KLHL29: variants seen among roughly 807,000 people sequenced by gnomAD.
The protein encoded by KLHL29 is kelch-like protein 29.
KLHL29 carries 21 observed loss-of-function variants against 80.4 expected under a neutral mutation model. The ratio of observed to expected loss-of-function variants is 0.26; its 90% CI spans 0.19 to 0.38. KLHL29 has a LOEUF of 0.38. Ranked by LOEUF, KLHL29 falls within the 10% of genes least tolerant of loss-of-function variation. The pLI is 1.00. For missense variants in KLHL29, 867 were observed against 1,223.9 expected, an observed-to-expected ratio of 0.71 and a Z score of 4.35; for synonymous variants, 511 against 526.8, an observed-to-expected ratio of 0.97 and a Z score of 0.41.
At chr2:23,526,021 G>T (rs538368724) in intron 2 of KLHL29, among the ~76,000 whole-genome samples, 1 of 152,220 alleles carries the variant, frequency 6.6e-6, no homozygotes, top group African/African-American at 2.4e-5. Flanking sequence ...CCTCAGAAGC[G>T]TGGATGTTGG....
intron 2 of KLHL29, among the ~76,000 whole-genome samples, chr2:23,478,959 G>A (rs945792311): frequency 6.6e-6 from 1 of 151,132 alleles, no homozygotes; most frequent in Non-Finnish European, 1.5e-5. Context: ...CTCTCTGACC[G>A]CACTCCCCTG....
intron 1 of KLHL29, among the ~76,000 whole-genome samples, chr2:23,458,805 G>T (rs187929009): frequency 6.6e-6 from 1 of 152,348 alleles, no homozygotes; most frequent in East Asian, 1.9e-4. Flanking sequence ...GGGGACAGGG[G>T]TGAGATGAGG....
intron 1 of KLHL29, among the ~76,000 whole-genome samples, chr2:23,456,277 T>C (rs1029485958): frequency 9.9e-5 from 15 of 152,200 alleles, no homozygotes; most frequent in African/African-American, 3.6e-4. Context: ...CAGAGAAGAC[T>C]GCCGGCCCTG....
At chr2:23,575,363 T>C (rs1667817655) in intron 3 of KLHL29, among the ~76,000 whole-genome samples, 1 of 152,192 alleles carries the variant, frequency 6.6e-6, no homozygotes, top group African/African-American at 2.4e-5. Flanking sequence ...GGCACAAGTG[T>C]ACACTTTAAC....
intron 3 of KLHL29, among the ~76,000 whole-genome samples, chr2:23,602,898 G>A (rs1384654504): frequency 1.3e-5 from 2 of 152,204 alleles, no homozygotes; most frequent in East Asian, 3.9e-4. Flanking sequence ...GGAAGCAGGA[G>A]AGGGTCTGCT....
intron 2 of KLHL29, among the ~76,000 whole-genome samples, chr2:23,499,682 G>T (rs926212192): frequency 2.6e-5 from 4 of 152,200 alleles, no homozygotes; most frequent in Non-Finnish European, 4.4e-5. Flanking sequence ...CAGCACTGTC[G>T]GCCCCCACCC....
chr2:23,612,666 C>T (rs542875361), intron 3 of KLHL29, among the ~76,000 whole-genome samples: 27 of 152,134 alleles, frequency 1.8e-4, no homozygotes, highest in Middle Eastern at 3.4e-3. Context: ...TTCTTGAACC[C>T]GGGAGGCTGA....
At chr2:23,691,920 G>C in intron 7 of KLHL29, 44 bp downstream of exon 7, 3 of 1,521,558 alleles carry the variant, frequency 2.0e-6, no homozygotes, top group Non-Finnish European at 2.7e-6. Context: ...GAAGAGTGCA[G>C]ATGGGCGGAG....
intron 1 of KLHL29, among the ~76,000 whole-genome samples, chr2:23,436,013 G>A (rs367776583): frequency 5.1e-4 from 77 of 150,764 alleles, no homozygotes; most frequent in Admixed American, 1.8e-3. Context: ...CTCATCCTCC[G>A]GCTATTTCTA....
At chr2:23,510,442 CATGGTG>C (rs1665734308) in intron 2 of KLHL29, among the ~76,000 whole-genome samples, 1 of 152,194 alleles carries the variant, frequency 6.6e-6, no homozygotes, top group Non-Finnish European at 1.5e-5. Flanking sequence ...CCACCCCAGC[CATGGTG>C]GTGGTGATGG....
chr2:23,552,885 A>G (rs189429115), intron 2 of KLHL29, among the ~76,000 whole-genome samples: 124 of 149,058 alleles, frequency 8.3e-4, no homozygotes, highest in African/African-American at 2.9e-3. Flanking sequence ...TCAACCTCCC[A>G]AGTAGCTGGG....
intron 5 of KLHL29, among the ~76,000 whole-genome samples, chr2:23,646,047 ATT>A (rs5829905): frequency 2.0e-5 from 3 of 150,904 alleles, no homozygotes; most frequent in South Asian, 2.1e-4. Context: ...AAGCTGTAGG[ATT>A]TTTTTTTTAG....
chr2:23,457,073 T>A lies in KLHL29; in HGVS notation c.-153-18487T>A, dbSNP rs1403641679. Among the ~76,000 whole-genome samples the A allele has an allele frequency of 6.6e-6, 1 of 152,222 alleles. No individual in the cohort carries two copies. The highest frequency in any genetic ancestry group is 2.4e-5 in the African/African-American group (1 of 41,466). On this transcript the variant is annotated intron_variant, in intron 1 of 13. Transcript: ENST00000486442. This position sits in a 1 kb window ranked among gnomAD's most constrained non-coding sequence, Gnocchi z 4.3. ...CTTCCGAGGCCCCTCCCCAGGCATC[T>A]GCTGAGACCCTCCCTTGTGCCAGGC...
chr2:23,703,839 T>C lies in KLHL29; in HGVS notation c.2420T>C (p.Met807Thr). ...EKGNIKAGPN[M>T]NHSRQFCSAV... ...GGAAACATTAAGGCGGGCCCAAACA[T>C]GAACCACTCTCGCCAGTTCTGCAGG... Residue 807 changes from methionine to threonine, a missense_variant, in exon 13 of 14, where the codon ATG (methionine) becomes ACG (threonine). Physicochemically the swap from Met to Thr is moderately conservative, Grantham distance 81. Coordinates refer to ENST00000486442, the MANE Select transcript of KLHL29 (RefSeq NM_052920.2). 1 of 1,537,314 alleles carries C rather than the reference T, an allele frequency of 6.5e-7. No homozygotes were observed. Among genetic ancestry groups the C allele is most frequent in the Non-Finnish European group, 8.7e-7 (1 of 1,146,870 alleles).
At chr2:23,638,574 C>T (rs1229540164) in intron 3 of KLHL29, among the ~76,000 whole-genome samples, 1 of 152,202 alleles carries the variant, frequency 6.6e-6, no homozygotes, top group African/African-American at 2.4e-5. Flanking sequence ...CCCACACTTC[C>T]TCCATAGGAC....
intron 2 of KLHL29, among the ~76,000 whole-genome samples, chr2:23,506,577 A>G (rs763569362): frequency 7.2e-5 from 11 of 152,168 alleles, no homozygotes; most frequent in East Asian, 1.9e-4. Flanking sequence ...CAAGTGGGGT[A>G]CTCAAGGCTG....
intron 11 of KLHL29, among the ~76,000 whole-genome samples, chr2:23,699,013 T>G (rs1440531057): frequency 6.6e-6 from 1 of 152,262 alleles, no homozygotes; most frequent in Non-Finnish European, 1.5e-5. Flanking sequence ...CTTCTGACAC[T>G]GTCCAAAAAG....
At chr2:23,537,051 T>A (rs1336852000) in intron 2 of KLHL29, among the ~76,000 whole-genome samples, 1 of 152,114 alleles carries the variant, frequency 6.6e-6, no homozygotes, top group Non-Finnish European at 1.5e-5. Flanking sequence ...TGGCAGAAAC[T>A]TGAGGTGCAC....
At chr2:23,544,243 G>A (rs549941411) in intron 2 of KLHL29, among the ~76,000 whole-genome samples, 4 of 152,128 alleles carry the variant, frequency 2.6e-5, no homozygotes, top group African/African-American at 7.2e-5. Context: ...TCATTCACTC[G>A]TTATTTACGG....
Sources: allele counts gnomAD v4.1 joint callset (sites outside exome capture counted in the v4.1 genomes callset), GRCh38; gene constraint gnomAD v4.1.1; non-coding constraint Gnocchi (gnomAD v3.1); transcripts MANE v1.5; gene names NCBI Gene and HGNC (gene_info 2026-07-23, HGNC 2026-07-21).